The following LRRC37A2 variants were observed in gnomAD, a reference collection of about 807,000 sequenced individuals.
The protein encoded by LRRC37A2 is leucine-rich repeat-containing protein 37A2.
LRRC37A2 carries 9 observed loss-of-function variants against 68.8 expected under a neutral mutation model. The observed-to-expected ratio is 0.13, with a 90% CI of 0.08 to 0.23. LRRC37A2 has a LOEUF of 0.23. Ranked by LOEUF, LRRC37A2 falls within the 10% of genes least tolerant of loss-of-function variation. The probability of loss-of-function intolerance (pLI) is 1.00; values close to 1 mark genes in which losing one functional copy is unlikely to be tolerated. For synonymous variants in LRRC37A2, 63 were observed against 367.6 expected (o/e 0.17, Z 9.48); for missense variants, 168 against 950.4 (o/e 0.18, Z 10.82).
chr17:46,881,079 G>A, the LRRC37A2 span, among the ~76,000 whole-genome samples: 3 of 152,164 alleles, frequency 2.0e-5, no homozygotes, highest in East Asian at 1.9e-4. Context: ...GGGAGGCCTC[G>A]CCCACCAGGA....
the LRRC37A2 span, chr17:46,940,349 G>A: frequency 6.8e-7 from 1 of 1,479,348 alleles, no homozygotes; most frequent in Middle Eastern, 2.4e-4. Flanking sequence ...AATGGGTTGG[G>A]GCCCTGCCAG....
chr17:46,938,737 C>T, the LRRC37A2 span: 1 of 1,613,994 alleles, frequency 6.2e-7, no homozygotes, highest in Non-Finnish European at 8.5e-7. Context: ...GGTCATGTTC[C>T]TCGTGGTGCA....
the LRRC37A2 span, chr17:46,936,606 T>C: frequency 1.0e-6 from 1 of 985,490 alleles, no homozygotes; most frequent in Non-Finnish European, 1.2e-6. Context: ...GCTGAAGCAC[T>C]CTGATGACTG....
chr17:46,534,159 A>G (rs2054180186), intron 6 of LRRC37A2, among the ~76,000 whole-genome samples: 1 of 147,564 alleles, frequency 6.8e-6, no homozygotes, highest in Non-Finnish European at 1.5e-5. Flanking sequence ...GACTACAGGC[A>G]TGCACCACCA....
chr17:46,799,231 G>A, the LRRC37A2 span, among the ~76,000 whole-genome samples: 1 of 151,882 alleles, frequency 6.6e-6, no homozygotes, highest in Non-Finnish European at 1.5e-5. Context: ...CTCCCCACCC[G>A]CTTCTTTCTT....
the LRRC37A2 span, among the ~76,000 whole-genome samples, chr17:46,676,510 G>C: frequency 6.8e-6 from 1 of 146,926 alleles, no homozygotes; most frequent in Non-Finnish European, 1.5e-5. Context: ...GAGATTATAG[G>C]CGTGACCCAC....
At chr17:46,839,761 A>G in the LRRC37A2 span, among the ~76,000 whole-genome samples, 39 of 151,594 alleles carry the variant, frequency 2.6e-4, no homozygotes, top group East Asian at 5.8e-3. Flanking sequence ...GTTCCCACCT[A>G]TGAGAACATG....
At chr17:46,797,845 C>T in the LRRC37A2 span, among the ~76,000 whole-genome samples, 1 of 152,354 alleles carries the variant, frequency 6.6e-6, no homozygotes, top group Non-Finnish European at 1.5e-5. Context: ...TAGAGGGCCA[C>T]ATGCAGTATA....
the LRRC37A2 span, among the ~76,000 whole-genome samples, chr17:46,952,231 C>T: frequency 3.3e-5 from 5 of 152,188 alleles, no homozygotes; most frequent in Non-Finnish European, 5.9e-5. Context: ...ACCTGTGCCA[C>T]GGGACTCAGC....
chr17:46,984,930 G>C, the LRRC37A2 span, among the ~76,000 whole-genome samples: 1 of 152,108 alleles, frequency 6.6e-6, no homozygotes, highest in Non-Finnish European at 1.5e-5. Context: ...AGGCCCAAGA[G>C]CCTTTGGACA....
chr17:46,901,967 C>G, the LRRC37A2 span, among the ~76,000 whole-genome samples: 1 of 152,138 alleles, frequency 6.6e-6, no homozygotes, highest in East Asian at 1.9e-4. Flanking sequence ...GCCACTGTGC[C>G]CAGCTAATTT....
chr17:46,719,078 G>A, the LRRC37A2 span, among the ~76,000 whole-genome samples: 13 of 152,252 alleles, frequency 8.5e-5, no homozygotes, highest in African/African-American at 2.6e-4. The surrounding 1 kb of genome is among the most constrained non-coding windows in gnomAD (Gnocchi z 4.3). Context: ...ATTCTCACCC[G>A]TACTTGATAT....
At chr17:46,493,892 C>G in the LRRC37A2 span, among the ~76,000 whole-genome samples, 1 of 150,868 alleles carries the variant, frequency 6.6e-6, no homozygotes, top group Non-Finnish European at 1.5e-5. Context: ...AGTGCAGTGG[C>G]ATGATCTTGG....
At chr17:46,932,009 C>G in the LRRC37A2 span, 12 of 1,534,690 alleles carry the variant, frequency 7.8e-6, no homozygotes, top group Non-Finnish European at 1.1e-5. Flanking sequence ...AGCCTGGCCC[C>G]CTCAGATTCT....
At chr17:46,920,506 A>G in the LRRC37A2 span, among the ~76,000 whole-genome samples, 2 of 152,204 alleles carry the variant, frequency 1.3e-5, no homozygotes, top group African/African-American at 4.8e-5. Context: ...GGGATCCAGG[A>G]TCCAGGAAAA....
At chr17:47,015,392 C>G in the LRRC37A2 span, among the ~76,000 whole-genome samples, 1 of 152,252 alleles carries the variant, frequency 6.6e-6, no homozygotes, top group African/African-American at 2.4e-5. Flanking sequence ...TGACAGTTGC[C>G]TTTAGTATTC....
chr17:46,918,031 G>A, the LRRC37A2 span, among the ~76,000 whole-genome samples: 1 of 152,160 alleles, frequency 6.6e-6, no homozygotes, highest in African/African-American at 2.4e-5. Flanking sequence ...AATCTTTGTT[G>A]TTAAATCACT....
the LRRC37A2 span, among the ~76,000 whole-genome samples, chr17:46,730,190 AC>A: frequency 2.0e-5 from 3 of 152,168 alleles, no homozygotes; most frequent in East Asian, 3.8e-4. Context: ...AGAAATAATT[AC>A]CCCCAACATC....
chr17:47,044,634 T>C, the LRRC37A2 span, among the ~76,000 whole-genome samples: 1 of 143,886 alleles, frequency 6.9e-6, no homozygotes, highest in South Asian at 2.2e-4. Flanking sequence ...TATACAGGTG[T>C]TCATTATACC....
Sources: gnomAD v4.1 joint callset for allele counts (sites outside exome capture counted in the v4.1 genomes callset) on GRCh38, gnomAD v4.1.1 for gene constraint, Gnocchi (gnomAD v3.1) non-coding constraint, MANE v1.5 for transcripts, NCBI Gene and HGNC (gene_info 2026-07-23, HGNC 2026-07-21) for gene names.